SYNPR: variants seen among roughly 807,000 people sequenced by gnomAD.
SYNPR encodes the protein synaptoporin.
Under a neutral mutation model 32.9 loss-of-function variants are expected in SYNPR, and 23 were observed. That is an observed-to-expected ratio of 0.70 (90% CI 0.50 to 0.99). The LOEUF is 0.99. Among genes scored for constraint, SYNPR ranks in the 50% least tolerant of loss-of-function variants. The pLI, the probability that SYNPR is intolerant of heterozygous loss-of-function variation, is 0.00. For synonymous variants in SYNPR, 146 were observed against 135.9 expected, an observed-to-expected ratio of 1.07 and a Z score of -0.52; for missense variants, 318 against 349.3, an observed-to-expected ratio of 0.91 and a Z score of 0.71.
chr3:63,326,492 C>CA (rs1293019104), intron 2 of SYNPR, among the ~76,000 whole-genome samples: 1 of 152,088 alleles, frequency 6.6e-6, no homozygotes, highest in African/African-American at 2.4e-5. Flanking sequence ...TCCTTCGTAA[C>CA]AAATAGGATT....
At chr3:63,280,822 G>T (rs531348456) in intron 2 of SYNPR, among the ~76,000 whole-genome samples, 2 of 152,204 alleles carry the variant, frequency 1.3e-5, no homozygotes, top group South Asian at 2.1e-4. Context: ...TAAATTATTT[G>T]CAGTCCTTCC....
chr3:63,264,712 G>C (rs1365834519), intron 2 of SYNPR, among the ~76,000 whole-genome samples: 1 of 152,178 alleles, frequency 6.6e-6, no homozygotes, highest in East Asian at 1.9e-4. Flanking sequence ...AAGGAAAGAG[G>C]TTCAATTGAC....
At chr3:63,449,552 A>C (rs1321289473) in intron 2 of SYNPR, among the ~76,000 whole-genome samples, 1 of 152,166 alleles carries the variant, frequency 6.6e-6, no homozygotes, top group Non-Finnish European at 1.5e-5. Context: ...AATTACCACC[A>C]GACATTGCCA....
intron 4 of SYNPR, among the ~76,000 whole-genome samples, chr3:63,565,896 T>C (rs527647287): frequency 9.0e-4 from 137 of 152,272 alleles, no homozygotes; most frequent in African/African-American, 3.1e-3. Flanking sequence ...GGCTGTCATA[T>C]TGTCTTCTAT....
At chr3:63,225,502 C>T (rs1299222075), upstream of SYNPR, among the ~76,000 whole-genome samples, 1 of 152,062 alleles carries the variant, frequency 6.6e-6, no homozygotes, top group East Asian at 1.9e-4. Flanking sequence ...AGAAGAAGGC[C>T]CTGAGATAGA....
At chr3:63,347,826 G>A (rs1467905141) in intron 2 of SYNPR, among the ~76,000 whole-genome samples, 1 of 151,210 alleles carries the variant, frequency 6.6e-6, no homozygotes, top group Non-Finnish European at 1.5e-5. Flanking sequence ...TGGCTGAATA[G>A]TATTCCATTG....
At chr3:63,542,657 AG>A (rs770896273) in intron 3 of SYNPR, among the ~76,000 whole-genome samples, 1 of 152,122 alleles carries the variant, frequency 6.6e-6, no homozygotes, top group Non-Finnish European at 1.5e-5. Context: ...GAGAATATCT[AG>A]GCAGTTTTAG....
At chr3:63,613,097 C>T (rs2106909450) in intron 5 of SYNPR, among the ~76,000 whole-genome samples, 1 of 151,988 alleles carries the variant, frequency 6.6e-6, no homozygotes, top group African/African-American at 2.4e-5. Context: ...CTCAGCCTTC[C>T]AAGTACCCCT....
At chr3:63,334,122 G>T (rs1380355186) in intron 2 of SYNPR, among the ~76,000 whole-genome samples, 1 of 152,182 alleles carries the variant, frequency 6.6e-6, no homozygotes, top group African/African-American at 2.4e-5. Context: ...AGCAGGGCAG[G>T]ACTATATAAT....
chr3:63,512,275 C>T (rs1216130864), intron 3 of SYNPR, among the ~76,000 whole-genome samples: 1 of 152,106 alleles, frequency 6.6e-6, no homozygotes, highest in Non-Finnish European at 1.5e-5. Context: ...ATTTTCCCAA[C>T]CTCAGTGGGC....
chr3:63,247,073 T>TG (rs1053247351), intron 1 of SYNPR, among the ~76,000 whole-genome samples: 2 of 151,290 alleles, frequency 1.3e-5, no homozygotes, highest in Non-Finnish European at 2.9e-5. Flanking sequence ...ACTTAGAAGT[T>TG]GGAAAAAAAA....
intron 2 of SYNPR, among the ~76,000 whole-genome samples, chr3:63,254,938 T>C (rs1452027976): frequency 2.0e-5 from 3 of 152,090 alleles, no homozygotes; most frequent in South Asian, 4.2e-4. Flanking sequence ...AAGATGGCCA[T>C]CCATGGAAGA....
chr3:63,390,562 T>C (rs748106316), intron 2 of SYNPR, among the ~76,000 whole-genome samples: 3 of 152,214 alleles, frequency 2.0e-5, no homozygotes, highest in Non-Finnish European at 4.4e-5. Context: ...ATAGAGCCCG[T>C]TGTGCATCTT....
rs144543346 is a variant in SYNPR at position 63,459,541 on chromosome 3, A to C, written c.85-21291A>C. Among the ~76,000 whole-genome samples the C allele has an allele frequency of 3.3e-5, 5 of 152,298 alleles. No homozygotes were observed. In the East Asian group the frequency reaches 9.7e-4, roughly 29 times the overall value. ...TGCAGCAAAGTTTGGCCTCCTTGAG[A>C]ATAAACACATCACATCTTCATTTTA... is the stretch of plus-strand genomic sequence containing the variant. On this transcript the variant is annotated intron_variant, in intron 2 of 5. Coordinates refer to ENST00000478300, the MANE Select transcript of SYNPR (RefSeq NM_001130003.2).
intron 1 of SYNPR, among the ~76,000 whole-genome samples, chr3:63,250,554 T>C (rs2367767): frequency 0.76 from 115,442 of 152,054 alleles, 44,632 homozygotes; most frequent in Middle Eastern, 0.86. Context: ...AGAACAAGTC[T>C]AAGGTGACAT....
At position 63,595,735 on chromosome 3, in the gene SYNPR, ATATAT is replaced by A. The variant is rs1314339401; in HGVS notation, c.409-13389_409-13385del. 1.3e-4 allele frequency among the ~76,000 whole-genome samples: 4 copies of A among 30,198 alleles called. No individual in the cohort carries two copies. In the East Asian group the frequency reaches 5.0e-3, roughly 38 times the overall value. The allele number at this position is 30,198 out of a possible 152,430, so 19.8% of individuals were successfully genotyped here. A position where few individuals can be genotyped will look rare whatever the true frequency, so the allele number is the denominator to read the frequency against. ...TCTTATTTTATATATATATATATAT[ATATAT>A]ATATATATATATATATATATATATA... is the stretch of plus-strand genomic sequence containing the variant. On this transcript the variant is annotated intron_variant, in intron 4 of 5. Transcript: ENST00000478300.
intron 4 of SYNPR, among the ~76,000 whole-genome samples, chr3:63,602,067 G>A (rs959619268): frequency 6.6e-6 from 1 of 152,016 alleles, no homozygotes; most frequent in African/African-American, 2.4e-5. Context: ...ATCTCTTTGT[G>A]GTTTTGATTT....
rs1466849328 is a variant in SYNPR at position 63,455,188 on chromosome 3, C to A, written c.85-25644C>A. The stretch of plus-strand genomic sequence containing the variant: ...CTCCTTATTCTCTCTGGTCCACAAA[C>A]AATGCTATTACTTAATAATTGAAAT... On this transcript the variant is annotated intron_variant, in intron 2 of 5. Coordinates refer to ENST00000478300, the MANE Select transcript of SYNPR (RefSeq NM_001130003.2). Among the ~76,000 whole-genome samples, 8 of 152,066 alleles carry A rather than the reference C, an allele frequency of 5.3e-5. No individual in the cohort carries two copies. In the East Asian group the frequency reaches 7.7e-4, roughly 15 times the overall value.
At chr3:63,605,921 C>A (rs1377063853) in intron 4 of SYNPR, among the ~76,000 whole-genome samples, 1 of 152,058 alleles carries the variant, frequency 6.6e-6, no homozygotes. Context: ...CGCTCCATAG[C>A]CTTATATGAT....
Sources: allele counts gnomAD v4.1 joint callset (sites outside exome capture counted in the v4.1 genomes callset), GRCh38; gene constraint gnomAD v4.1.1; transcripts MANE v1.5; gene names NCBI Gene and HGNC (gene_info 2026-07-23, HGNC 2026-07-21).